Variants in HHAT observed in about 807,000 individuals in gnomAD.
HHAT encodes the protein hedgehog acyltransferase.
HHAT carries 47 observed loss-of-function variants against 70.8 expected under a neutral mutation model. That is an observed-to-expected ratio of 0.66 (90% CI 0.53 to 0.85). The LOEUF (loss-of-function observed/expected upper bound fraction) is 0.85, where lower values mean the gene tolerates loss of function less well. Ranked by LOEUF, HHAT falls within the 40% of genes least tolerant of loss-of-function variation. The probability of loss-of-function intolerance (pLI) is 0.00; values close to 1 mark genes in which losing one functional copy is unlikely to be tolerated. For synonymous variants in HHAT, 228 were observed against 247.6 expected (o/e 0.92, Z 0.74); for missense variants, 609 against 604.8 (o/e 1.01, Z -0.07).
At chr1:210,427,808 C>G (rs983563490) in intron 7 of HHAT, among the ~76,000 whole-genome samples, 2 of 151,958 alleles carry the variant, frequency 1.3e-5, no homozygotes, top group African/African-American at 4.8e-5. Flanking sequence ...AGACATCTAT[C>G]AGGTCCATTT....
At chr1:210,403,785 C>T (rs972277841) in intron 5 of HHAT, among the ~76,000 whole-genome samples, 20 of 152,218 alleles carry the variant, frequency 1.3e-4, no homozygotes, top group African/African-American at 4.3e-4. Flanking sequence ...TTTTACTCCC[C>T]GATATTAACA....
At chr1:210,605,898 C>T (rs188741697) in intron 10 of HHAT, among the ~76,000 whole-genome samples, 337 of 151,872 alleles carry the variant, frequency 2.2e-3, no homozygotes, top group Non-Finnish European at 3.5e-3. Context: ...CTCTTGTTGC[C>T]CAGGCTGGAG....
At chr1:210,604,126 C>T (rs1288328614) in intron 10 of HHAT, among the ~76,000 whole-genome samples, 3 of 152,194 alleles carry the variant, frequency 2.0e-5, no homozygotes, top group South Asian at 2.1e-4. Context: ...TCTCACTAGC[C>T]TGGAGTGCAG....
intron 4 of HHAT, among the ~76,000 whole-genome samples, chr1:210,388,186 GC>G (rs1257052093): frequency 6.6e-6 from 1 of 152,190 alleles, no homozygotes; most frequent in Non-Finnish European, 1.5e-5. Context: ...TTGCCCAGAG[GC>G]CTCTGATAAA....
chr1:210,463,821 T>C (rs945998930), intron 7 of HHAT, among the ~76,000 whole-genome samples: 1 of 152,252 alleles, frequency 6.6e-6, no homozygotes, highest in African/African-American at 2.4e-5. Context: ...CACTTGCTGA[T>C]CTGACTTTTC....
intron 8 of HHAT, among the ~76,000 whole-genome samples, chr1:210,490,115 C>T (rs1218691266): frequency 2.6e-5 from 4 of 152,226 alleles, no homozygotes; most frequent in African/African-American, 9.6e-5. Flanking sequence ...ATCATGTCCT[C>T]TGGATTAGCC....
chr1:210,621,181 A>C (rs1025835650), intron 10 of HHAT, among the ~76,000 whole-genome samples: 1 of 151,922 alleles, frequency 6.6e-6, no homozygotes, highest in Non-Finnish European at 1.5e-5. Flanking sequence ...TTGATTATTT[A>C]ATACTTGTAA....
chr1:210,534,962 A>G (rs11119532), intron 9 of HHAT, among the ~76,000 whole-genome samples: 68,245 of 152,004 alleles, frequency 0.45, 16,133 homozygotes, highest in Non-Finnish European at 0.52. Context: ...TTTGCCTTCA[A>G]TGGGAGTACT....
intron 3 of HHAT, among the ~76,000 whole-genome samples, chr1:210,376,088 C>T (rs1011159299): frequency 7.0e-6 from 1 of 141,982 alleles, no homozygotes; most frequent in African/African-American, 2.7e-5. Context: ...TGGTCTGGAA[C>T]TCCTGGCCTC....
At chr1:210,658,377 G>A (rs919793832) in intron 11 of HHAT, among the ~76,000 whole-genome samples, 1 of 152,098 alleles carries the variant, frequency 6.6e-6, no homozygotes, top group Non-Finnish European at 1.5e-5. Context: ...CAACTATCTT[G>A]TCTTCTGCAG....
chr1:210,514,712 G>A (rs2095024807), intron 9 of HHAT, among the ~76,000 whole-genome samples: 1 of 152,194 alleles, frequency 6.6e-6, no homozygotes, highest in Non-Finnish European at 1.5e-5. Context: ...AAAGGACAAG[G>A]GGGGTGAGGC....
chr1:210,464,306 T>C (rs986130209), intron 7 of HHAT, among the ~76,000 whole-genome samples, 199 bp from the exon 8 acceptor site: 1 of 152,220 alleles, frequency 6.6e-6, no homozygotes, highest in Non-Finnish European at 1.5e-5. Flanking sequence ...GTCACAATAA[T>C]GAAATTTCAT....
At chr1:210,359,368 A>G (rs1420219749) in intron 2 of HHAT, among the ~76,000 whole-genome samples, 1 of 152,218 alleles carries the variant, frequency 6.6e-6, no homozygotes. Context: ...GCTAGAGGCC[A>G]CAAGATTCTA....
chr1:210,559,464 C>T (rs907650551), intron 9 of HHAT, among the ~76,000 whole-genome samples: 1 of 152,144 alleles, frequency 6.6e-6, no homozygotes, highest in African/African-American at 2.4e-5. Flanking sequence ...TTTTAAATTC[C>T]ATTCAGCATT....
intron 11 of HHAT, among the ~76,000 whole-genome samples, chr1:210,663,697 G>A (rs1678285112): frequency 6.6e-6 from 1 of 152,198 alleles, no homozygotes; most frequent in Non-Finnish European, 1.5e-5. Flanking sequence ...AGTTCCCAAA[G>A]TGTGGTTCTC....
chr1:210,442,120 G>T (rs1010985752), intron 7 of HHAT, among the ~76,000 whole-genome samples: 1 of 133,844 alleles, frequency 7.5e-6, no homozygotes, highest in Non-Finnish European at 1.7e-5. Context: ...TTGTTCTTGC[G>T]ATAGTTTACT....
chr1:210,542,494 A>T (rs575585057), intron 9 of HHAT, among the ~76,000 whole-genome samples: 370 of 139,162 alleles, frequency 2.7e-3, no homozygotes, highest in African/African-American at 8.0e-3. Context: ...AGTTAAAAAA[A>T]AAATATATAT....
chr1:210,598,156 C>G (rs960536560), intron 10 of HHAT, among the ~76,000 whole-genome samples: 5 of 151,970 alleles, frequency 3.3e-5, no homozygotes, highest in African/African-American at 1.2e-4. Flanking sequence ...CCTCAAAACT[C>G]TGCCTGGCCC....
In HHAT at chr1:210,400,477, T is replaced by G; in HGVS notation, c.283T>G (p.Trp95Gly). 2 of 1,611,124 alleles carry G rather than the reference T, an allele frequency of 1.2e-6. No homozygotes were observed. Among genetic ancestry groups the G allele is most frequent in the Non-Finnish European group, 1.7e-6 (2 of 1,178,534 alleles). Residue 95 changes from tryptophan (W) to glycine (G), a missense_variant, in exon 5 of 12, where the codon TGG becomes GGG. Physicochemically the swap from Trp to Gly is radical, Grantham distance 184. Coordinates refer to ENST00000261458, the MANE Select transcript of HHAT (RefSeq NM_018194.6). ...GCCCCACCATTTGCAGCACAGACCC[T>G]GGATTCTCATGCTCTATGGGATGTG... Reference protein sequence around the residue: ...ATLLARKHRPWILMLYGMWAC... With the variant: ...ATLLARKHRPGILMLYGMWAC...
Sources: gnomAD v4.1 joint callset for allele counts (sites outside exome capture counted in the v4.1 genomes callset) on GRCh38, gnomAD v4.1.1 for gene constraint, MANE v1.5 for transcripts, NCBI Gene and HGNC (gene_info 2026-07-23, HGNC 2026-07-21) for gene names.